The following ZBTB24 variants were observed in gnomAD, a reference collection of about 807,000 sequenced individuals.
The protein encoded by ZBTB24 is zinc finger and BTB domain containing 24, also known as zinc finger and BTB domain-containing protein 24.
A neutral mutation model predicts 53.8 loss-of-function variants in ZBTB24; 32 were observed. That is an observed-to-expected ratio of 0.60 (90% confidence interval 0.45 to 0.80). The LOEUF is 0.80. Ranked by LOEUF, ZBTB24 falls within the 30% of genes least tolerant of loss-of-function variation. The probability of loss-of-function intolerance (pLI) is 0.00; values close to 1 mark genes in which losing one functional copy is unlikely to be tolerated. For synonymous variants in ZBTB24, 297 were observed against 306.7 expected, an observed-to-expected ratio of 0.97 and a Z score of 0.33; for missense variants, 722 against 837.1, an observed-to-expected ratio of 0.86 and a Z score of 1.70.
chr6:109,478,533 C>T (rs1359478101), intron 2 of ZBTB24, among the ~76,000 whole-genome samples: 2 of 152,074 alleles, frequency 1.3e-5, no homozygotes, highest in Non-Finnish European at 2.9e-5. Context: ...GTTTTACAGA[C>T]TCTCTCATAC....
chr6:109,476,309 G>C, intron 3 of ZBTB24, 51 bp from the exon 4 acceptor site: 2 of 1,592,416 alleles, frequency 1.3e-6, no homozygotes, highest in Admixed American at 1.7e-5. Context: ...TAAAGAACTG[G>C]AATGCTCACT....
At chr6:109,475,906 C>G (rs987374352) in intron 4 of ZBTB24, among the ~76,000 whole-genome samples, 1 of 152,250 alleles carries the variant, frequency 6.6e-6, no homozygotes, top group African/African-American at 2.4e-5. Flanking sequence ...CACTGAAGCT[C>G]CCCTGTGCAA....
At chr6:109,473,109 A>C (rs1176179820) in intron 5 of ZBTB24, among the ~76,000 whole-genome samples, 2 of 152,186 alleles carry the variant, frequency 1.3e-5, no homozygotes, top group Non-Finnish European at 2.9e-5. Flanking sequence ...TGGCCTTCAA[A>C]GTACTTCAGC....
chr6:109,475,261 T>C, intron 5 of ZBTB24, 138 bp downstream of exon 5: 2 of 1,045,776 alleles, frequency 1.9e-6, no homozygotes, highest in Non-Finnish European at 2.9e-6. Context: ...ACTTTTAACT[T>C]ATCTTCTTAC....
At chr6:109,473,020 C>A (rs538696312) in intron 5 of ZBTB24, among the ~76,000 whole-genome samples, 1 of 152,226 alleles carries the variant, frequency 6.6e-6, no homozygotes, top group East Asian at 1.9e-4. Context: ...CTAGAGTGAC[C>A]CTATTACAAC....
intron 2 of ZBTB24, among the ~76,000 whole-genome samples, chr6:109,477,454 T>C (rs911742820): frequency 6.6e-6 from 1 of 152,124 alleles, no homozygotes; most frequent in African/African-American, 2.4e-5. Context: ...CCCAGCCCAA[T>C]ACAACCTAAT....
intron 2 of ZBTB24, among the ~76,000 whole-genome samples, chr6:109,479,872 C>T (rs974354185): frequency 2.9e-5 from 4 of 137,964 alleles, no homozygotes; most frequent in Non-Finnish European, 6.1e-5. Context: ...GCCGAGATCG[C>T]GCCACTGCAC....
intron 5 of ZBTB24, 37 bp downstream of exon 5, chr6:109,475,362 C>T: frequency 6.2e-7 from 1 of 1,612,800 alleles, no homozygotes; most frequent in Non-Finnish European, 8.5e-7. Flanking sequence ...CTGAAAACAT[C>T]CCGTGTACTG....
chr6:109,468,359 C>A (rs1162231175), intron 5 of ZBTB24, among the ~76,000 whole-genome samples: 1 of 151,944 alleles, frequency 6.6e-6, no homozygotes, highest in Non-Finnish European at 1.5e-5. Flanking sequence ...TGATTTCCCA[C>A]CCCAGGATAA....
In ZBTB24 at chr6:109,475,612, T is replaced by C. The variant is rs1776263091; in HGVS notation, c.1205-130A>G. The C allele has an allele frequency of 3.6e-6, 4 of 1,109,804 alleles. No homozygotes were observed. In the South Asian group the frequency reaches 4.0e-5, roughly 11 times the overall value. The allele number at this position is 1,109,804 out of a possible 1,614,324, so 68.7% of individuals were successfully genotyped here. On this transcript the variant is annotated intron_variant, in intron 4 of 6. Coordinates refer to ENST00000230122, the MANE Select transcript of ZBTB24 (RefSeq NM_014797.3). ...TAGTACTTTAACCACAAAAATTTTT[T>C]CATTAATTTGGTAACTGTTAATATT...
At position 109,465,573 on chromosome 6, in the gene ZBTB24, C is replaced by T. The variant is rs113793425; in HGVS notation, c.*278G>A. 8.6e-6 allele frequency: 12 copies of T among 1,390,084 alleles called. No individual in the cohort carries two copies. The African/African-American group carries it at 1.4e-4, about 17-fold the overall frequency. The allele number at this position is 1,390,084 out of a possible 1,614,324, so 86.1% of individuals were successfully genotyped here. On this transcript the variant is annotated 3_prime_UTR_variant, in exon 7 of 7. Transcript: ENST00000230122. ...TACAGAAAAACTGAGATCAATGCCC[C>T]CAAAGAAAAACTACCCGAGTCTTTA...
chr6:109,471,458 G>T (rs1776163833), intron 5 of ZBTB24, among the ~76,000 whole-genome samples: 1 of 152,208 alleles, frequency 6.6e-6, no homozygotes, highest in Non-Finnish European at 1.5e-5. Context: ...TCAACTTCAA[G>T]CCACAATGAG....
At chr6:109,472,660 A>C (rs1351339616) in intron 5 of ZBTB24, among the ~76,000 whole-genome samples, 1 of 152,136 alleles carries the variant, frequency 6.6e-6, no homozygotes, top group African/African-American at 2.4e-5. Context: ...GGAAATCCAG[A>C]GCTCTGGCTG....
chr6:109,473,279 TA>T (rs1313445496), intron 5 of ZBTB24, among the ~76,000 whole-genome samples: 1 of 152,134 alleles, frequency 6.6e-6, no homozygotes, highest in East Asian at 1.9e-4. Context: ...AACATCCACC[TA>T]CACTATGACT....
chr6:109,481,230 T>A lies in ZBTB24; in HGVS notation c.797A>T (p.Asp266Val). 1 of 1,614,230 alleles carries A rather than the reference T, an allele frequency of 6.2e-7. No homozygotes were observed. The highest frequency in any genetic ancestry group is 8.5e-7 in the Non-Finnish European group (1 of 1,180,046). The change falls in exon 2 of 7, where the codon GAT becomes GTT. Residue 266 changes from aspartate (D) to valine (V), a missense_variant. Physicochemically the swap from Asp to Val is radical, Grantham distance 152. Coordinates refer to ENST00000230122, the MANE Select transcript of ZBTB24 (RefSeq NM_014797.3). ...RRIWRSVKLK[D>V]YKLVGDQEDH... ...CTCTTGATCCCCAACAAGTTTGTAA[T>A]CTTTAAGTTTGACGGATCTCCAAAT...
intron 4 of ZBTB24, among the ~76,000 whole-genome samples, chr6:109,475,754 C>T (rs1198008088): frequency 6.6e-6 from 1 of 152,160 alleles, no homozygotes; most frequent in Non-Finnish European, 1.5e-5. Flanking sequence ...CAAATGACCT[C>T]AAATGACACT....
chr6:109,468,562 C>G (rs1562300181), intron 5 of ZBTB24, among the ~76,000 whole-genome samples: 1 of 152,060 alleles, frequency 6.6e-6, no homozygotes. Context: ...ACAAACCTTG[C>G]CACGCACTCC....
chr6:109,465,783 G>A lies in ZBTB24; in HGVS notation c.*68C>T, dbSNP rs546810931. 223 of 1,613,876 alleles carry A rather than the reference G, an allele frequency of 1.4e-4. 1 individual carries two copies. In the South Asian group the frequency reaches 1.4e-3, roughly 10 times the overall value. ...AATGGTGTGGAGAGCCTGATTTCAA[G>A]CGTTCAAAATCCAGTCAGAGCTGGC... On this transcript the variant is annotated 3_prime_UTR_variant, in exon 7 of 7. Coordinates refer to ENST00000230122, the MANE Select transcript of ZBTB24 (RefSeq NM_014797.3).
chr6:109,470,759 T>G (rs1350732199), intron 5 of ZBTB24, among the ~76,000 whole-genome samples: 2 of 152,230 alleles, frequency 1.3e-5, no homozygotes, highest in Admixed American at 1.3e-4. Flanking sequence ...CAAAGAATAT[T>G]AAAACTGCTC....
Sources: allele counts gnomAD v4.1 joint callset (sites outside exome capture counted in the v4.1 genomes callset), GRCh38; gene constraint gnomAD v4.1.1; transcripts MANE v1.5; gene names NCBI Gene and HGNC (gene_info 2026-07-23, HGNC 2026-07-21).